Variants in UNC13C observed in about 807,000 individuals in gnomAD.
The protein encoded by UNC13C is protein unc-13 homolog C.
In UNC13C, 174 loss-of-function variants were observed where a neutral mutation model predicts 245.4. The ratio of observed to expected loss-of-function variants is 0.71; its 90% confidence interval spans 0.63 to 0.80. The LOEUF (loss-of-function observed/expected upper bound fraction) is 0.80. Ranked by LOEUF, UNC13C falls within the 30% of genes least tolerant of loss-of-function variation. The pLI is 0.00. For synonymous variants in UNC13C, 992 were observed against 895.1 expected, an observed-to-expected ratio of 1.11 and a Z score of -1.93; for missense variants, 2,829 against 2,602.9, an observed-to-expected ratio of 1.09 and a Z score of -1.89.
chr15:54,145,728 T>A (rs2032227302), intron 4 of UNC13C, among the ~76,000 whole-genome samples: 1 of 152,244 alleles, frequency 6.6e-6, no homozygotes, highest in African/African-American at 2.4e-5. Context: ...TGGAGGTTTA[T>A]CTGAGTTTAT....
chr15:54,563,820 G>A (rs1897393012), intron 29 of UNC13C, among the ~76,000 whole-genome samples: 1 of 151,920 alleles, frequency 6.6e-6, no homozygotes, highest in African/African-American at 2.4e-5. Flanking sequence ...GCAAAATGCA[G>A]ATTCTACTCT....
chr15:54,128,195 A>T (rs1195132000), intron 2 of UNC13C, among the ~76,000 whole-genome samples: 1 of 152,218 alleles, frequency 6.6e-6, no homozygotes, highest in Non-Finnish European at 1.5e-5. Flanking sequence ...GTACTCATAA[A>T]TATAGCTAAT....
At chr15:54,585,425 C>G (rs1898436818) in intron 30 of UNC13C, among the ~76,000 whole-genome samples, 1 of 152,184 alleles carries the variant, frequency 6.6e-6, no homozygotes, top group South Asian at 2.1e-4. Flanking sequence ...GAAGCAGATG[C>G]TGGTGCTGTG....
chr15:54,241,917 AGTATTGCT>A (rs2035863751), intron 7 of UNC13C, among the ~76,000 whole-genome samples: 1 of 152,178 alleles, frequency 6.6e-6, no homozygotes, highest in Middle Eastern at 3.2e-3. Flanking sequence ...CTTGTCTGCA[AGTATTGCT>A]GTTGGTTCTG....
At chr15:54,330,341 A>G (rs1180378274) in intron 14 of UNC13C, among the ~76,000 whole-genome samples, 1 of 152,076 alleles carries the variant, frequency 6.6e-6, no homozygotes, top group Non-Finnish European at 1.5e-5. Context: ...AAACCATGGC[A>G]TGTGGTCATC....
rs968496942 is a variant in UNC13C at position 54,248,373 on chromosome 15, G to C, written c.3229-1852G>C. On this transcript the variant is annotated intron_variant, in intron 7 of 32. Coordinates refer to ENST00000260323, the MANE Select transcript of UNC13C (RefSeq NM_001080534.3). ...CCAGTTAGAACGGGAGACTCTGTCTGTGGGTAGCTAATGAAAAATCTGTTA... is the reference window on the plus strand; with the variant it reads ...CCAGTTAGAACGGGAGACTCTGTCTCTGGGTAGCTAATGAAAAATCTGTTA... 6.6e-5 allele frequency among the ~76,000 whole-genome samples: 10 copies of C among 152,228 alleles called. No homozygotes were observed. The East Asian group carries it at 1.7e-3, about 26-fold the overall frequency.
rs185892414 is a variant in UNC13C at position 53,991,284 on chromosome 15, A to G, written c.-257+12357A>G. ...TAAATTGTAAATGGTGTGTACTTCC[A>G]TGAGTCCAATGCTGCATCTCCACTA... On this transcript the variant is annotated intron_variant, in intron 1 of 32. Coordinates refer to ENST00000260323, the MANE Select transcript of UNC13C (RefSeq NM_001080534.3). Among the ~76,000 whole-genome samples, 351 of 152,130 alleles carry G rather than the reference A, an allele frequency of 2.3e-3. 1 individual carries two copies. The highest frequency in any genetic ancestry group is 8.2e-3 in the African/African-American group (340 of 41,530).
chr15:54,272,958 C>T (rs962290343), intron 10 of UNC13C, among the ~76,000 whole-genome samples: 1 of 152,108 alleles, frequency 6.6e-6, no homozygotes, highest in East Asian at 1.9e-4. Flanking sequence ...ATTCCATAGG[C>T]AGGGGTGCAA....
the UNC13C span, among the ~76,000 whole-genome samples, chr15:53,921,033 G>A: frequency 6.6e-6 from 1 of 151,872 alleles, no homozygotes; most frequent in Non-Finnish European, 1.5e-5. Context: ...GTTAAAGTAG[G>A]GTGCTAGGTG....
chr15:54,242,807 A>G (rs181075388), intron 7 of UNC13C, among the ~76,000 whole-genome samples: 4 of 152,314 alleles, frequency 2.6e-5, no homozygotes, highest in Admixed American at 2.6e-4. Flanking sequence ...GTACATACTA[A>G]AAGTTAGTTA....
At chr15:54,565,492 T>C (rs989589223) in intron 29 of UNC13C, among the ~76,000 whole-genome samples, 4 of 151,996 alleles carry the variant, frequency 2.6e-5, no homozygotes, top group African/African-American at 9.7e-5. Context: ...CTCATACTAC[T>C]TTATATACAC....
chr15:54,402,180 GA>G (rs1464255387), intron 18 of UNC13C, among the ~76,000 whole-genome samples: 1 of 151,666 alleles, frequency 6.6e-6, no homozygotes, highest in African/African-American at 2.4e-5. Context: ...AATAGGTAGC[GA>G]AAAAACCCAC....
intron 2 of UNC13C, among the ~76,000 whole-genome samples, chr15:54,089,593 GTTA>G (rs1294430611): frequency 2.6e-5 from 4 of 151,182 alleles, no homozygotes; most frequent in Non-Finnish European, 1.5e-5. Context: ...GCCTTCCCAT[GTTA>G]TTTTCTATTT....
At chr15:54,573,458 T>G (rs1897840376) in intron 30 of UNC13C, among the ~76,000 whole-genome samples, 1 of 152,246 alleles carries the variant, frequency 6.6e-6, no homozygotes, top group African/African-American at 2.4e-5. Context: ...TCTTAAGTTT[T>G]TAAGTGGAAC....
At chr15:54,313,566 C>T (rs573166104) in intron 13 of UNC13C, among the ~76,000 whole-genome samples, 50 of 151,766 alleles carry the variant, frequency 3.3e-4, no homozygotes, top group African/African-American at 1.2e-3. Flanking sequence ...AAACTAAAAA[C>T]TTATGTATAT....
chr15:54,140,316 T>C (rs1399157101), intron 2 of UNC13C, among the ~76,000 whole-genome samples: 1 of 152,150 alleles, frequency 6.6e-6, no homozygotes, highest in African/African-American at 2.4e-5. Flanking sequence ...CATGAAGTGG[T>C]GTAGCTTATT....
At chr15:54,440,328 C>A (rs1890446984) in intron 19 of UNC13C, among the ~76,000 whole-genome samples, 1 of 151,908 alleles carries the variant, frequency 6.6e-6, no homozygotes, top group Non-Finnish European at 1.5e-5. Flanking sequence ...TTCTTTATGG[C>A]AGTGTGAAAA....
chr15:54,081,442 A>G (rs1189093675), intron 2 of UNC13C, among the ~76,000 whole-genome samples: 1 of 152,042 alleles, frequency 6.6e-6, no homozygotes, highest in African/African-American at 2.4e-5. Flanking sequence ...TAGATACAGT[A>G]GTATTTGTTT....
rs961766958 is a variant in UNC13C, at chr15:54,300,085, C to G, written c.4105-125C>G. ...ATAAAAATTCAAGATATTCCTATTG[C>G]TTGCAGATGCTGATGAAACATTAGA... On this transcript the variant is annotated intron_variant, in intron 12 of 32. Transcript: ENST00000260323. 4 of 803,586 alleles carry G rather than the reference C, an allele frequency of 5.0e-6. 1 individual carries two copies. In the South Asian group the frequency reaches 6.8e-5, roughly 14 times the overall value. The allele number at this position is 803,586 out of a possible 1,614,324, so 49.8% of individuals were successfully genotyped here.
Sources: gnomAD v4.1 joint callset for allele counts (sites outside exome capture counted in the v4.1 genomes callset) on GRCh38, gnomAD v4.1.1 for gene constraint, MANE v1.5 for transcripts, NCBI Gene and HGNC (gene_info 2026-07-23, HGNC 2026-07-21) for gene names.